Variants in ZCCHC24 observed in about 807,000 individuals in gnomAD.
The protein encoded by ZCCHC24 is zinc finger CCHC domain-containing protein 24.
In ZCCHC24, 10 loss-of-function variants were observed where a neutral mutation model predicts 26.2. That is an observed-to-expected ratio of 0.38 (90% confidence interval 0.24 to 0.65). The LOEUF (loss-of-function observed/expected upper bound fraction) is 0.65. ZCCHC24 is among the 30% of genes least tolerant of loss of function. The pLI, the probability that ZCCHC24 is intolerant of heterozygous loss-of-function variation, is 0.54. For missense variants in ZCCHC24, 243 were observed against 329.1 expected, an observed-to-expected ratio of 0.74 and a Z score of 2.03; for synonymous variants, 144 against 147.1, an observed-to-expected ratio of 0.98 and a Z score of 0.15.
chr10:79,411,684 C>A (rs531636041), intron 2 of ZCCHC24, among the ~76,000 whole-genome samples: 1 of 152,326 alleles, frequency 6.6e-6, no homozygotes, highest in Admixed American at 6.5e-5. Flanking sequence ...CCAGCCCACA[C>A]AGCCTGTGAG....
At chr10:79,434,129 G>C (rs12252959) in intron 1 of ZCCHC24, among the ~76,000 whole-genome samples, 62,685 of 152,046 alleles carry the variant, frequency 0.41, 14,648 homozygotes, top group African/African-American at 0.65. Context: ...ACTCTGTTCC[G>C]TCTCGTGTGC....
At chr10:79,417,502 G>T (rs1469982009) in intron 2 of ZCCHC24, among the ~76,000 whole-genome samples, 1 of 152,244 alleles carries the variant, frequency 6.6e-6, no homozygotes, top group African/African-American at 2.4e-5. Flanking sequence ...CCCATCCGTT[G>T]TTGTGGGCAG....
chr10:79,400,290 C>T (rs1856611587), intron 2 of ZCCHC24, among the ~76,000 whole-genome samples: 1 of 152,206 alleles, frequency 6.6e-6, no homozygotes, highest in South Asian at 2.1e-4. Flanking sequence ...TCCATTACAG[C>T]ATGAGTTAGG....
intron 2 of ZCCHC24, among the ~76,000 whole-genome samples, chr10:79,403,117 A>G (rs1206475366): frequency 6.6e-6 from 1 of 152,198 alleles, no homozygotes; most frequent in East Asian, 1.9e-4. Flanking sequence ...CCCTAGCCAC[A>G]TACTCCTGGG....
At chr10:79,423,793 G>A (rs908199797) in intron 2 of ZCCHC24, among the ~76,000 whole-genome samples, 5 of 149,186 alleles carry the variant, frequency 3.4e-5, no homozygotes, top group East Asian at 2.0e-4. Context: ...CAAGGCAGGC[G>A]GATCACTTGA....
intron 2 of ZCCHC24, among the ~76,000 whole-genome samples, chr10:79,431,698 G>A (rs1857132181): frequency 6.6e-6 from 1 of 152,180 alleles, no homozygotes; most frequent in African/African-American, 2.4e-5. Flanking sequence ...ACATCTGGAG[G>A]GGAACACTAC....
chr10:79,402,594 C>G (rs1856650036), intron 2 of ZCCHC24, among the ~76,000 whole-genome samples: 1 of 152,196 alleles, frequency 6.6e-6, no homozygotes, highest in Non-Finnish European at 1.5e-5. Flanking sequence ...GTTTTTCTAT[C>G]TTCCATGTGA....
intron 2 of ZCCHC24, chr10:79,409,186 C>T (rs1856758420): frequency 6.6e-6 from 1 of 152,266 alleles, no homozygotes; most frequent in African/African-American, 2.4e-5. Context: ...TGGACAGAGT[C>T]CAAGTCCTGG....
At chr10:79,410,423 A>G (rs1393328223) in intron 2 of ZCCHC24, among the ~76,000 whole-genome samples, 1 of 152,220 alleles carries the variant, frequency 6.6e-6, no homozygotes, top group African/African-American at 2.4e-5. Context: ...ATGCTTGAAC[A>G]CTGATCTGGC....
intron 2 of ZCCHC24, among the ~76,000 whole-genome samples, chr10:79,401,879 C>T (rs1220042940): frequency 2.0e-5 from 3 of 152,244 alleles, no homozygotes; most frequent in African/African-American, 7.2e-5. Flanking sequence ...CTGTCCTGCC[C>T]GGTCTGCCCA....
chr10:79,440,045 C>T (rs888447285), intron 1 of ZCCHC24, among the ~76,000 whole-genome samples: 5 of 151,618 alleles, frequency 3.3e-5, no homozygotes, highest in Admixed American at 2.6e-4. Context: ...TTTCAAAAAC[C>T]CCAAGTAGAC....
At chr10:79,390,566 C>T (rs1185240960) in intron 3 of ZCCHC24, among the ~76,000 whole-genome samples, 2 of 152,212 alleles carry the variant, frequency 1.3e-5, no homozygotes, top group Non-Finnish European at 2.9e-5. Flanking sequence ...GTGGGAGTTC[C>T]CTCTGTGGGC....
At chr10:79,415,125 T>C (rs1368411987) in intron 2 of ZCCHC24, among the ~76,000 whole-genome samples, 1 of 152,126 alleles carries the variant, frequency 6.6e-6, no homozygotes. Context: ...ACACACTGAG[T>C]TGCTAGGCTC....
intron 1 of ZCCHC24, among the ~76,000 whole-genome samples, chr10:79,440,621 C>A (rs1337650451): frequency 6.6e-6 from 1 of 152,184 alleles, no homozygotes; most frequent in Non-Finnish European, 1.5e-5. Context: ...CTAGCTCTCC[C>A]ACTGACTGGC....
chr10:79,410,245 G>A (rs1303624805), intron 2 of ZCCHC24, among the ~76,000 whole-genome samples: 1 of 152,238 alleles, frequency 6.6e-6, no homozygotes, highest in Non-Finnish European at 1.5e-5. Flanking sequence ...TGCCACCATA[G>A]CATATCCATT....
rs185495083 is a variant in ZCCHC24 at position 79,445,180 on chromosome 10, C to G, written c.246+15G>C. ...GGCGGTGGGGCGGTGGGCGGGGGCG[C>G]GCGGGGGCACCCACCTCTCCGCGCT... On this transcript the variant is annotated intron_variant, in intron 1 of 3. Coordinates refer to ENST00000372336, the MANE Select transcript of ZCCHC24 (RefSeq NM_153367.4). 7.9e-6 allele frequency: 10 copies of G among 1,269,808 alleles called. No individual in the cohort carries two copies. The highest frequency in any genetic ancestry group is 1.0e-5 in the Non-Finnish European group (10 of 1,003,648). 78.7% of individuals were successfully genotyped at this position (1,269,808 alleles called of 1,614,324 possible). A position where few individuals can be genotyped will look rare whatever the true frequency, so the allele number is the denominator to read the frequency against.
chr10:79,419,141 C>T (rs1263686705), intron 2 of ZCCHC24, among the ~76,000 whole-genome samples: 1 of 152,138 alleles, frequency 6.6e-6, no homozygotes, highest in East Asian at 1.9e-4. Flanking sequence ...CCCAGGTATC[C>T]GGGCTGCTTC....
chr10:79,406,486 C>A (rs1856715515), intron 2 of ZCCHC24, among the ~76,000 whole-genome samples: 1 of 152,176 alleles, frequency 6.6e-6, no homozygotes, highest in Non-Finnish European at 1.5e-5. Context: ...AAGACATTCC[C>A]AAACTGACCT....
At chr10:79,419,586 G>C (rs976987911) in intron 2 of ZCCHC24, among the ~76,000 whole-genome samples, 1 of 152,166 alleles carries the variant, frequency 6.6e-6, no homozygotes, top group African/African-American at 2.4e-5. Context: ...GGCAGGCCAA[G>C]GGCCTGGCAC....
Sources: allele counts gnomAD v4.1 joint callset (sites outside exome capture counted in the v4.1 genomes callset), GRCh38; gene constraint gnomAD v4.1.1; transcripts MANE v1.5; gene names NCBI Gene and HGNC (gene_info 2026-07-23, HGNC 2026-07-21).